The following GNA14 variants were observed in gnomAD, a reference collection of about 807,000 sequenced individuals.
GNA14 encodes the protein G protein subunit alpha 14.
A neutral mutation model predicts 42.0 loss-of-function variants in GNA14; 50 were observed. The observed-to-expected ratio is 1.19, with a 90% CI of 0.95 to 1.51. The LOEUF is 1.51. GNA14 is among the 40% of genes most tolerant of loss of function. The pLI is 0.00. For synonymous variants in GNA14, 173 were observed against 163.1 expected (o/e 1.06, Z -0.46); for missense variants, 473 against 446.2 (o/e 1.06, Z -0.54).
chr9:77,614,623 A>G (rs961610529), intron 1 of GNA14, among the ~76,000 whole-genome samples: 51 of 152,156 alleles, frequency 3.4e-4, no homozygotes, highest in African/African-American at 1.1e-3. Flanking sequence ...GACCCTCCTA[A>G]TATCTTCCAC....
intron 2 of GNA14, among the ~76,000 whole-genome samples, chr9:77,448,415 T>C (rs548357710): frequency 1.7e-4 from 26 of 152,360 alleles, no homozygotes; most frequent in African/African-American, 6.0e-4. Context: ...CAATTCTTTA[T>C]TATAAAACAG....
At chr9:77,571,981 A>G (rs1213795154) in intron 1 of GNA14, among the ~76,000 whole-genome samples, 4 of 152,066 alleles carry the variant, frequency 2.6e-5, no homozygotes, top group Non-Finnish European at 4.4e-5. Context: ...ACTTCAGTGT[A>G]TTTACATTGT....
chr9:77,564,308 A>C (rs11145483), intron 1 of GNA14, among the ~76,000 whole-genome samples: 7,525 of 151,016 alleles, frequency 0.05, 418 homozygotes, highest in African/African-American at 0.14. Flanking sequence ...AAAAAAAAAA[A>C]AAAAAACTTA....
chr9:77,615,002 G>A (rs1263074692), intron 1 of GNA14, among the ~76,000 whole-genome samples: 2 of 152,202 alleles, frequency 1.3e-5, no homozygotes, highest in African/African-American at 2.4e-5. Context: ...AGACCAGGGG[G>A]TTTAAAAGTC....
intron 2 of GNA14, among the ~76,000 whole-genome samples, chr9:77,504,674 T>C (rs1837037244): frequency 7.0e-6 from 1 of 142,660 alleles, no homozygotes; most frequent in Non-Finnish European, 1.5e-5. Flanking sequence ...TTTTTTTTTT[T>C]TTTTTTTTTT....
At position 77,435,568 on chromosome 9, in the gene GNA14, A is replaced by G. The variant is rs1408280136; in HGVS notation, c.310-1046T>C. Among the ~76,000 whole-genome samples, 5 of 152,178 alleles carry G rather than the reference A, an allele frequency of 3.3e-5. No individual in the cohort carries two copies. The South Asian group carries it at 8.3e-4, about 25-fold the overall frequency. On this transcript the variant is annotated intron_variant, in intron 2 of 6. Coordinates refer to ENST00000341700, the MANE Select transcript of GNA14 (RefSeq NM_004297.4). ...TTATTATATTACCATATTTATTATT[A>G]CTATGATTATTAAATAATTATTGCT...
chr9:77,637,409 G>C (rs1429488865), intron 1 of GNA14, among the ~76,000 whole-genome samples: 1 of 152,168 alleles, frequency 6.6e-6, no homozygotes, highest in African/African-American at 2.4e-5. Context: ...TGGCCATTGA[G>C]AAGATGTTGA....
At chr9:77,496,192 T>A (rs540324825) in intron 2 of GNA14, among the ~76,000 whole-genome samples, 1 of 152,326 alleles carries the variant, frequency 6.6e-6, no homozygotes, top group Non-Finnish European at 1.5e-5. Flanking sequence ...ATAATGATAG[T>A]GGAAAAGTAC....
At chr9:77,490,899 G>A (rs906676313) in intron 2 of GNA14, among the ~76,000 whole-genome samples, 5 of 152,246 alleles carry the variant, frequency 3.3e-5, no homozygotes, top group African/African-American at 9.6e-5. Flanking sequence ...AGGAGGCGCC[G>A]AGAGCGAGCA....
chr9:77,622,038 A>C (rs1039530189), intron 1 of GNA14, among the ~76,000 whole-genome samples: 1 of 152,024 alleles, frequency 6.6e-6, no homozygotes, highest in African/African-American at 2.4e-5. Flanking sequence ...CAATTCTCCC[A>C]CCTCAGCATC....
chr9:77,645,766 T>G (rs1824341688), intron 1 of GNA14, among the ~76,000 whole-genome samples: 1 of 152,204 alleles, frequency 6.6e-6, no homozygotes, highest in Non-Finnish European at 1.5e-5. Flanking sequence ...ACTACACAAT[T>G]TTTCATACAA....
intron 1 of GNA14, among the ~76,000 whole-genome samples, chr9:77,617,520 G>T (rs1196108995): frequency 6.6e-6 from 1 of 152,032 alleles, no homozygotes; most frequent in Non-Finnish European, 1.5e-5. Context: ...AGGTCACCTG[G>T]ACATTCCATA....
At chr9:77,614,473 C>A (rs1823779545) in intron 1 of GNA14, among the ~76,000 whole-genome samples, 1 of 152,086 alleles carries the variant, frequency 6.6e-6, no homozygotes, top group Non-Finnish European at 1.5e-5. Context: ...ATAATTTTGC[C>A]ACTGTATTAA....
chr9:77,620,169 G>A (rs970014242), intron 1 of GNA14, among the ~76,000 whole-genome samples: 7 of 152,106 alleles, frequency 4.6e-5, no homozygotes, highest in African/African-American at 1.7e-4. Flanking sequence ...CACTATTGTT[G>A]AAGAGTTAAC....
intron 1 of GNA14, among the ~76,000 whole-genome samples, chr9:77,632,801 C>T (rs951389101): frequency 4.6e-5 from 7 of 152,156 alleles, no homozygotes; most frequent in Non-Finnish European, 8.8e-5. Flanking sequence ...GCACAGTGGC[C>T]GGACCCCATG....
At position 77,483,627 on chromosome 9, in the gene GNA14, G is replaced by C. The variant is rs7847023; in HGVS notation, c.309+45442C>G. ...ACACAGGGACATTTAAGTCTGCAGA[G>C]GTTACTGCTGTCTTTTTGTTTGTCT... is the stretch of plus-strand genomic sequence containing the variant. On this transcript the variant is annotated intron_variant, in intron 2 of 6. Coordinates refer to ENST00000341700, the MANE Select transcript of GNA14 (RefSeq NM_004297.4). Among the ~76,000 whole-genome samples the C allele has an allele frequency of 4.6e-3, 703 of 152,294 alleles. 5 individuals are homozygous for C. The highest frequency in any genetic ancestry group is 0.016 in the African/African-American group (659 of 41,574).
intron 1 of GNA14, among the ~76,000 whole-genome samples, chr9:77,646,931 C>A (rs999363130): frequency 2.6e-5 from 4 of 152,326 alleles, no homozygotes; most frequent in Non-Finnish European, 5.9e-5. Context: ...CCAGAGGCAC[C>A]AGGGCAGCCA....
chr9:77,554,983 C>T (rs928737281), intron 1 of GNA14, among the ~76,000 whole-genome samples: 2 of 152,004 alleles, frequency 1.3e-5, no homozygotes, highest in African/African-American at 2.4e-5. Flanking sequence ...CATGCATTGC[C>T]GTTGGAACAA....
Position 77,482,557 on chromosome 9 carries a change from ATCTTTG to A in GNA14, c.309+46506_309+46511del, listed in dbSNP as rs533595682. 6.6e-5 allele frequency among the ~76,000 whole-genome samples: 10 copies of A among 152,152 alleles called. No individual in the cohort carries two copies. In the East Asian group the frequency reaches 1.9e-3, roughly 29 times the overall value. ...CTTGGAGTTGCTCGTCTTGAAGAGT[ATCTTTG>A]TGGAGTTCTCTGTATTTCCTGAATC... On this transcript the variant is annotated intron_variant, in intron 2 of 6. Transcript: ENST00000341700.
Sources: gnomAD v4.1 joint callset for allele counts (sites outside exome capture counted in the v4.1 genomes callset) on GRCh38, gnomAD v4.1.1 for gene constraint, MANE v1.5 for transcripts, NCBI Gene and HGNC (gene_info 2026-07-23, HGNC 2026-07-21) for gene names.